TRAPPC9: variants seen among roughly 807,000 people sequenced by gnomAD.
The protein encoded by TRAPPC9 is IKK2 binding protein.
A neutral mutation model predicts 124.0 loss-of-function variants in TRAPPC9; 83 were observed. The observed-to-expected ratio is 0.67, with a 90% CI of 0.56 to 0.80. The LOEUF is 0.80. Ranked by LOEUF, TRAPPC9 falls within the 30% of genes least tolerant of loss-of-function variation. The probability of loss-of-function intolerance (pLI) is 0.00; values close to 1 mark genes in which losing one functional copy is unlikely to be tolerated. For missense variants in TRAPPC9, 1,302 were observed against 1,508.3 expected, an observed-to-expected ratio of 0.86 and a Z score of 2.27; for synonymous variants, 638 against 617.5, an observed-to-expected ratio of 1.03 and a Z score of -0.49.
intron 17 of TRAPPC9, among the ~76,000 whole-genome samples, chr8:140,043,026 A>G (rs1195467143): frequency 6.6e-6 from 1 of 152,150 alleles, no homozygotes. Context: ...GCAGAACAAG[A>G]GTCAGGGCCC....
intron 21 of TRAPPC9, among the ~76,000 whole-genome samples, chr8:139,793,928 G>A (rs182486374): frequency 1.2e-4 from 19 of 152,208 alleles, no homozygotes; most frequent in African/African-American, 4.1e-4. Flanking sequence ...TCATCCCTAC[G>A]ACTTGAGCTC....
chr8:139,969,421 T>C (rs1305397766), intron 19 of TRAPPC9, among the ~76,000 whole-genome samples: 1 of 152,242 alleles, frequency 6.6e-6, no homozygotes, highest in African/African-American at 2.4e-5. Context: ...ATATTTGGAA[T>C]GGCCAAGCAA....
At chr8:140,204,810 CCCAGT>C (rs1187789409) in intron 17 of TRAPPC9, among the ~76,000 whole-genome samples, 1 of 152,166 alleles carries the variant, frequency 6.6e-6, no homozygotes, top group African/African-American at 2.4e-5. Context: ...TTATAAATTA[CCCAGT>C]CTCAGGTGTT....
At position 140,087,540 on chromosome 8, in the gene TRAPPC9, C is replaced by T. The variant is rs1844276383; in HGVS notation, c.2557-63461G>A. On this transcript the variant is annotated intron_variant, in intron 17 of 22. Transcript: ENST00000438773. The surrounding 1 kb of genome is among the most constrained non-coding windows in gnomAD (Gnocchi z 4.6). Reference sequence around the variant, plus strand: ...ATTCTAATCCCCACCGAGCTTCCTCCATCTCAGTAAATAAAACAACCACCG... The same window carrying T: ...ATTCTAATCCCCACCGAGCTTCCTCTATCTCAGTAAATAAAACAACCACCG... 6.6e-6 allele frequency among the ~76,000 whole-genome samples: 1 copy of T among 152,182 alleles called. No individual in the cohort carries two copies. The highest frequency in any genetic ancestry group is 2.4e-5 in the African/African-American group (1 of 41,446).
intron 9 of TRAPPC9, among the ~76,000 whole-genome samples, chr8:140,334,394 A>C (rs1330927943): frequency 1.3e-5 from 2 of 152,172 alleles, no homozygotes; most frequent in Non-Finnish European, 2.9e-5. Context: ...TCACGCCTAT[A>C]ATCCCAGCAC....
intron 17 of TRAPPC9, among the ~76,000 whole-genome samples, chr8:140,166,372 G>C (rs747805374): frequency 6.6e-6 from 1 of 152,202 alleles, no homozygotes; most frequent in Non-Finnish European, 1.5e-5. Context: ...AACAATGATT[G>C]AAAAGTCGTT....
Position 140,129,859 on chromosome 8 carries a change from G to A in TRAPPC9, c.2556+91600C>T, listed in dbSNP as rs569920202. Reference sequence around the variant, plus strand: ...AATAGAAATGTAAATGCACGTGTACGCATGCACACGCACATACATACATGA... The same window carrying A: ...AATAGAAATGTAAATGCACGTGTACACATGCACACGCACATACATACATGA... On this transcript the variant is annotated intron_variant, in intron 17 of 22. Transcript: ENST00000438773. Among the ~76,000 whole-genome samples the A allele has an allele frequency of 6.6e-5, 10 of 152,332 alleles. No individual in the cohort carries two copies. The South Asian group carries it at 1.0e-3, about 16-fold the overall frequency.
intron 17 of TRAPPC9, chr8:140,215,995 G>A (rs1375843995): frequency 6.6e-6 from 1 of 152,218 alleles, no homozygotes; most frequent in East Asian, 1.9e-4. Flanking sequence ...AGGCATCAAA[G>A]GCCTCGAGTG....
intron 6 of TRAPPC9, among the ~76,000 whole-genome samples, chr8:140,398,338 G>C (rs1436282685): frequency 1.3e-5 from 2 of 152,228 alleles, no homozygotes; most frequent in African/African-American, 4.8e-5. Flanking sequence ...ACAGAGGTTG[G>C]AACAGTTTGG....
chr8:140,124,327 T>C (rs1171693264), intron 17 of TRAPPC9, among the ~76,000 whole-genome samples: 2 of 152,148 alleles, frequency 1.3e-5, no homozygotes, highest in African/African-American at 4.8e-5. Context: ...CCTTGCTGCA[T>C]TGCCCCAGCC....
intron 17 of TRAPPC9, among the ~76,000 whole-genome samples, chr8:140,069,417 G>T (rs1289536998): frequency 3.3e-5 from 5 of 152,102 alleles, no homozygotes; most frequent in African/African-American, 7.2e-5. Context: ...CATGGGTAAG[G>T]CACCAAGACG....
chr8:139,794,728 T>C (rs969279021), intron 21 of TRAPPC9, among the ~76,000 whole-genome samples: 1 of 152,184 alleles, frequency 6.6e-6, no homozygotes, highest in Non-Finnish European at 1.5e-5. Flanking sequence ...CCTGAGGCTA[T>C]GCTGGTCCCT....
intron 15 of TRAPPC9, among the ~76,000 whole-genome samples, chr8:140,255,508 T>A (rs1359625307): frequency 6.6e-6 from 1 of 152,268 alleles, no homozygotes; most frequent in East Asian, 1.9e-4. Context: ...GGGAAAAGGA[T>A]GATGGAATCG....
Position 140,252,680 on chromosome 8 carries a change from T to C in TRAPPC9, c.2431+97A>G. 7.0e-7 allele frequency: 1 copy of C among 1,434,618 alleles called. No individual in the cohort carries two copies. The highest frequency in any genetic ancestry group is 9.7e-7 in the Non-Finnish European group (1 of 1,030,934). 88.9% of individuals were successfully genotyped at this position (1,434,618 alleles called of 1,614,324 possible). ...GCAGCTTGAGTTAATGAATGACAAG[T>C]GAGTTACAAACAGCAAACAGCAGGC... On this transcript the variant is annotated intron_variant, in intron 16 of 22. Coordinates refer to ENST00000438773, the MANE Select transcript of TRAPPC9 (RefSeq NM_001160372.4). This position sits in a 1 kb window ranked among gnomAD's most constrained non-coding sequence, Gnocchi z 4.2.
At chr8:139,955,033 A>G (rs534396533) in intron 19 of TRAPPC9, among the ~76,000 whole-genome samples, 6 of 152,368 alleles carry the variant, frequency 3.9e-5, no homozygotes, top group African/African-American at 1.2e-4. Context: ...TATTATAAGC[A>G]TAAGGATTCT....
At chr8:140,169,786 G>A (rs532418234) in intron 17 of TRAPPC9, among the ~76,000 whole-genome samples, 16 of 152,090 alleles carry the variant, frequency 1.1e-4, no homozygotes, top group Admixed American at 3.3e-4. Context: ...CTGCTAGATG[G>A]GTATAGGGTT....
chr8:139,881,974 G>A (rs561735371), intron 21 of TRAPPC9, among the ~76,000 whole-genome samples: 3 of 152,304 alleles, frequency 2.0e-5, no homozygotes, highest in Middle Eastern at 6.8e-3. Context: ...GCCAGGAAGG[G>A]GGTCTATGCA....
chr8:140,067,365 G>A (rs1018097034), intron 17 of TRAPPC9, among the ~76,000 whole-genome samples: 9 of 152,218 alleles, frequency 5.9e-5, no homozygotes, highest in East Asian at 1.9e-4. Context: ...GGATGGTCTC[G>A]ATCTCCTGAC....
At chr8:139,953,389 A>C (rs1414130289) in intron 19 of TRAPPC9, among the ~76,000 whole-genome samples, 3 of 152,194 alleles carry the variant, frequency 2.0e-5, no homozygotes, top group Non-Finnish European at 1.5e-5. Flanking sequence ...GCTACTCAGG[A>C]GGCTGAGGCA....
Sources: gnomAD v4.1 joint callset for allele counts (sites outside exome capture counted in the v4.1 genomes callset) on GRCh38, gnomAD v4.1.1 for gene constraint, Gnocchi (gnomAD v3.1) non-coding constraint, MANE v1.5 for transcripts, NCBI Gene and HGNC (gene_info 2026-07-23, HGNC 2026-07-21) for gene names.